DNAAF4: variants seen among roughly 807,000 people sequenced by gnomAD.
DNAAF4 encodes dynein axonemal assembly factor 4, also known as dynein assembly factor 4, axonemal.
Under a neutral mutation model 51.8 loss-of-function variants are expected in DNAAF4, and 43 were observed. That is an observed-to-expected ratio of 0.83 (90% CI 0.65 to 1.07). DNAAF4 has a LOEUF of 1.07. Ranked by LOEUF, DNAAF4 falls within the 50% of genes least tolerant of loss-of-function variation. The pLI, the probability that DNAAF4 is intolerant of heterozygous loss-of-function variation, is 0.00. For missense variants in DNAAF4, 581 were observed against 493.0 expected (o/e 1.18, Z -1.69); for synonymous variants, 194 against 165.6 (o/e 1.17, Z -1.32).
chr15:55,494,980 T>C (rs542484921), intron 3 of DNAAF4: 1 of 152,264 alleles, frequency 6.6e-6, no homozygotes, highest in South Asian at 2.1e-4. Context: ...ACAGAGACCA[T>C]ATGGCCTGTG....
intron 5 of DNAAF4, among the ~76,000 whole-genome samples, chr15:55,455,816 G>A (rs1284812017): frequency 6.6e-6 from 1 of 152,046 alleles, no homozygotes; most frequent in Non-Finnish European, 1.5e-5. Context: ...GGTTTCAGAT[G>A]CAGACCAGAT....
At chr15:55,488,110 TTTTC>T (rs769783460) in intron 4 of DNAAF4, among the ~76,000 whole-genome samples, 1 of 135,578 alleles carries the variant, frequency 7.4e-6, no homozygotes, top group Non-Finnish European at 1.6e-5. Context: ...ATACCAATCT[TTTTC>T]TTTTTCTTTT....
intron 4 of DNAAF4, among the ~76,000 whole-genome samples, chr15:55,490,851 G>A (rs2058561038): frequency 6.6e-6 from 1 of 152,148 alleles, no homozygotes; most frequent in South Asian, 2.1e-4. Flanking sequence ...CTACTCAGGA[G>A]GCTGAGGCAG....
At chr15:55,444,364 T>C (rs2141436876) in intron 6 of DNAAF4, among the ~76,000 whole-genome samples, 1 of 152,262 alleles carries the variant, frequency 6.6e-6, no homozygotes, top group East Asian at 1.9e-4. Flanking sequence ...AGATGTGTGG[T>C]ATTATTTCTG....
At chr15:55,489,867 G>A (rs2058546089) in intron 4 of DNAAF4, among the ~76,000 whole-genome samples, 1 of 150,316 alleles carries the variant, frequency 6.7e-6, no homozygotes. Flanking sequence ...GGGAATTCGA[G>A]ATAAGAAGTT....
At chr15:55,501,013 A>ATT (rs201319127) in intron 1 of DNAAF4, among the ~76,000 whole-genome samples, 40 of 142,586 alleles carry the variant, frequency 2.8e-4, no homozygotes, top group South Asian at 4.3e-4. Context: ...AAAAAAAAAA[A>ATT]TGGAAACTTA....
Position 55,497,746 on chromosome 15 carries a change from TTC to T in DNAAF4, c.235_236del (p.Glu79SerfsTer13). On this transcript the variant is annotated frameshift_variant, in exon 3 of 10. Transcript: ENST00000321149. LOFTEE classifies it high-confidence loss of function. ...CAGAAAGGGTCTCCCACATGGCCGC[TTC>T]TTTTTTATACAAGGTGAAGACAATG... ...DTIVFTLYKK[E>X]AAMWETLSVT... The T allele has an allele frequency of 6.2e-7, 1 of 1,611,950 alleles. No individual in the cohort carries two copies. The highest frequency in any genetic ancestry group is 8.5e-7 in the Non-Finnish European group (1 of 1,179,012).
intron 9 of DNAAF4, among the ~76,000 whole-genome samples, chr15:55,431,911 C>A (rs916046828): frequency 6.6e-6 from 1 of 152,116 alleles, no homozygotes; most frequent in African/African-American, 2.4e-5. Flanking sequence ...AGCACCACAC[C>A]CAGCATTTAT....
intron 5 of DNAAF4, among the ~76,000 whole-genome samples, chr15:55,465,391 T>TACACAC (rs1225166580): frequency 0.082 from 12,130 of 147,768 alleles, 616 homozygotes; most frequent in African/African-American, 0.14. Context: ...ATGGTGTATA[T>TACACAC]ATACACACAC....
rs536902043 is a variant in DNAAF4, at chr15:55,447,187, C to T, written c.783+3035G>A. ...CCTCACATCCCAGATGATGGGCGGC[C>T]GGGCAGAGGCGCTCCTCACTTCCCA... On this transcript the variant is annotated intron_variant, in intron 6 of 9. Coordinates refer to ENST00000321149, the MANE Select transcript of DNAAF4 (RefSeq NM_130810.4). 4.3e-5 allele frequency among the ~76,000 whole-genome samples: 6 copies of T among 140,388 alleles called. No individual in the cohort carries two copies. In the South Asian group the frequency reaches 1.2e-3, roughly 27 times the overall value. The allele number at this position is 140,388 out of a possible 152,430, so 92.1% of individuals were successfully genotyped here.
chr15:55,437,153 C>T (rs1431562903), intron 7 of DNAAF4, among the ~76,000 whole-genome samples: 1 of 152,164 alleles, frequency 6.6e-6, no homozygotes, highest in Non-Finnish European at 1.5e-5. Flanking sequence ...TTGTACTTCC[C>T]ACACAGTGTT....
intron 8 of DNAAF4, 124 bp downstream of exon 8, chr15:55,434,781 G>A: frequency 6.6e-6 from 6 of 907,216 alleles, no homozygotes; most frequent in Non-Finnish European, 6.2e-6. Flanking sequence ...GATTCAATAA[G>A]AAAGACAATC....
At chr15:55,442,948 C>G in intron 6 of DNAAF4, 1 of 1,611,336 alleles carries the variant, frequency 6.2e-7, no homozygotes. Context: ...TTGAAATAAG[C>G]AAACCATCCT....
chr15:55,490,119 G>A (rs879915604), intron 4 of DNAAF4, among the ~76,000 whole-genome samples: 59 of 152,002 alleles, frequency 3.9e-4, no homozygotes, highest in Non-Finnish European at 6.9e-4. Flanking sequence ...TGATCCGCCC[G>A]CCTCGGCCTC....
Position 55,450,205 on chromosome 15 carries a change from AGAGT to A in DNAAF4, c.783+13_783+16del. 1 of 1,574,400 alleles carries A rather than the reference AGAGT, an allele frequency of 6.4e-7. No homozygotes were observed. Among genetic ancestry groups the A allele is most frequent in the East Asian group, 2.3e-5 (1 of 44,438 alleles). On this transcript the variant is annotated intron_variant, in intron 6 of 9. Transcript: ENST00000321149. ...ATTTTCATTTGTGGTAATTGTAACTAGAGTAAGTATATATACCTCCTCCTCTTCT... is the reference window on the plus strand; with the variant it reads ...ATTTTCATTTGTGGTAATTGTAACTAAAGTATATATACCTCCTCCTCTTCT...
At chr15:55,454,954 A>T (rs1176339672) in intron 5 of DNAAF4, among the ~76,000 whole-genome samples, 3 of 151,744 alleles carry the variant, frequency 2.0e-5, no homozygotes, top group African/African-American at 7.2e-5. Flanking sequence ...AAAAAGAACA[A>T]TATTAGAAAT....
intron 5 of DNAAF4, among the ~76,000 whole-genome samples, chr15:55,456,394 A>G (rs749097220): frequency 7.2e-5 from 11 of 152,158 alleles, no homozygotes; most frequent in Admixed American, 2.0e-4. Flanking sequence ...AAATGCATCC[A>G]AAACAAAGTT....
chr15:55,425,765 G>C (rs1421439018), downstream of DNAAF4, among the ~76,000 whole-genome samples: 4 of 152,200 alleles, frequency 2.6e-5, no homozygotes, highest in Non-Finnish European at 5.9e-5. Context: ...GTGTAGGACA[G>C]AACCCTTTTG....
downstream of DNAAF4, among the ~76,000 whole-genome samples, chr15:55,425,523 T>A (rs1385715172): frequency 1.3e-5 from 2 of 152,184 alleles, no homozygotes; most frequent in East Asian, 3.9e-4. Flanking sequence ...TGAAAAGAAC[T>A]AAGCCTCGTT....
Sources: gnomAD v4.1 joint callset for allele counts (sites outside exome capture counted in the v4.1 genomes callset) on GRCh38, gnomAD v4.1.1 for gene constraint, MANE v1.5 for transcripts, NCBI Gene and HGNC (gene_info 2026-07-23, HGNC 2026-07-21) for gene names.